The following KPNA5 variants were observed in gnomAD, a reference collection of about 807,000 sequenced individuals.
KPNA5 encodes the protein karyopherin subunit alpha 5, also known as importin subunit alpha-6.
A neutral mutation model predicts 71.3 loss-of-function variants in KPNA5; 46 were observed. That is an observed-to-expected ratio of 0.65 (90% CI 0.51 to 0.83). The LOEUF is 0.83. Among genes scored for constraint, KPNA5 ranks in the 40% least tolerant of loss-of-function variants. KPNA5 has a pLI of 0.00. For missense variants in KPNA5, 547 were observed against 628.3 expected (o/e 0.87, Z 1.38); for synonymous variants, 207 against 201.4 (o/e 1.03, Z -0.24).
chr6:116,695,234 G>A (rs1370757928), intron 4 of KPNA5, among the ~76,000 whole-genome samples: 1 of 151,872 alleles, frequency 6.6e-6, no homozygotes, highest in Non-Finnish European at 1.5e-5. Flanking sequence ...TGGCCTCGCA[G>A]TTATCTTTAA....
chr6:116,694,137 T>TA (rs1777924126), intron 4 of KPNA5, among the ~76,000 whole-genome samples: 1 of 152,354 alleles, frequency 6.6e-6, no homozygotes, highest in African/African-American at 2.4e-5. Flanking sequence ...TTAGTTACTG[T>TA]AACCTTGTGT....
At chr6:116,726,017 T>C (rs1159974894) in intron 11 of KPNA5, 141 bp downstream of exon 11, 1 of 874,522 alleles carries the variant, frequency 1.1e-6, no homozygotes, top group African/African-American at 1.7e-5. Context: ...TTTCCTCCTC[T>C]AAAATAATAA....
chr6:116,692,722 T>A (rs1318583101), intron 4 of KPNA5, among the ~76,000 whole-genome samples: 1 of 152,168 alleles, frequency 6.6e-6, no homozygotes, highest in Admixed American at 6.5e-5. Context: ...TATTTTTATT[T>A]GTATTTATTT....
chr6:116,699,769 T>C (rs929765944), intron 5 of KPNA5, among the ~76,000 whole-genome samples: 5 of 152,204 alleles, frequency 3.3e-5, no homozygotes, highest in African/African-American at 1.2e-4. Context: ...CCAGACCTCT[T>C]GATACCTATT....
rs755071506 is a variant in KPNA5 at position 116,705,451 on chromosome 6, A to G, written c.656+291A>G. 3.5e-4 allele frequency among the ~76,000 whole-genome samples: 54 copies of G among 152,338 alleles called. 1 individual carries two copies. The highest frequency in any genetic ancestry group is 3.4e-3 in the Middle Eastern group (1 of 294). On this transcript the variant is annotated intron_variant, in intron 7 of 13. Transcript: ENST00000368564. ...AGTAGTTTATAATACAATAAAATTT[A>G]CATATTGCTATAGTAGGGAATCCTT...
chr6:116,738,539 C>T lies in KPNA5; in HGVS notation c.*6216C>T, dbSNP rs937105693. 2.6e-5 allele frequency: 4 copies of T among 152,064 alleles called. No homozygotes were observed. Among genetic ancestry groups the T allele is most frequent in the Non-Finnish European group, 4.4e-5 (3 of 68,008 alleles). The allele number at this position is 152,064 out of a possible 1,614,324, so 9.4% of individuals were successfully genotyped here. A position where few individuals can be genotyped will look rare whatever the true frequency, so the allele number is the denominator to read the frequency against. On this transcript the variant is annotated 3_prime_UTR_variant, in exon 14 of 14. Transcript: ENST00000368564. ...TCCTGATACCAAAGCTGGGCAGAGA[C>T]ACAACCAAAAAAGAGAATTTTAGAC...
chr6:116,687,214 G>C (rs916237754), intron 1 of KPNA5, among the ~76,000 whole-genome samples: 1 of 152,076 alleles, frequency 6.6e-6, no homozygotes, highest in Non-Finnish European at 1.5e-5. Flanking sequence ...TTTTAGCAGC[G>C]TTTTGTAATT....
Position 116,738,689 on chromosome 6 carries a change from G to T in KPNA5, c.*6366G>T, listed in dbSNP as rs1378216672. 3 of 151,848 alleles carry T rather than the reference G, an allele frequency of 2.0e-5. No homozygotes were observed. The highest frequency in any genetic ancestry group is 7.3e-5 in the African/African-American group (3 of 41,352). The allele number at this position is 151,848 out of a possible 1,614,324, so 9.4% of individuals were successfully genotyped here. A position where few individuals can be genotyped will look rare whatever the true frequency, so the allele number is the denominator to read the frequency against. Reference sequence around the variant, plus strand: ...GCTTCATCCCTGGGATGCAAGGCTGGTTCAATATACGCAAATCAATAAATG... The same window carrying T: ...GCTTCATCCCTGGGATGCAAGGCTGTTTCAATATACGCAAATCAATAAATG... On this transcript the variant is annotated 3_prime_UTR_variant, in exon 14 of 14. Transcript: ENST00000368564.
intron 8 of KPNA5, among the ~76,000 whole-genome samples, chr6:116,716,566 A>C (rs1200562027): frequency 2.0e-5 from 3 of 152,220 alleles, no homozygotes; most frequent in Non-Finnish European, 4.4e-5. Flanking sequence ...CAAGGAATTG[A>C]TTTCAGAAAT....
chr6:116,726,197 G>A (rs1274922159), intron 11 of KPNA5, among the ~76,000 whole-genome samples: 1 of 151,882 alleles, frequency 6.6e-6, no homozygotes, highest in East Asian at 1.9e-4. Context: ...ATTTATTAGG[G>A]TTCTATCAAG....
At chr6:116,684,761 G>T (rs1041276981) in intron 1 of KPNA5, among the ~76,000 whole-genome samples, 2 of 152,142 alleles carry the variant, frequency 1.3e-5, no homozygotes, top group African/African-American at 4.8e-5. Context: ...ACCATCTACA[G>T]ATCAAAGCCT....
intron 7 of KPNA5, among the ~76,000 whole-genome samples, chr6:116,710,166 T>C (rs936282345): frequency 2.3e-4 from 35 of 152,162 alleles, no homozygotes; most frequent in African/African-American, 2.4e-5. Flanking sequence ...GGTTTATTAT[T>C]TTGATTGATA....
rs532717702 is a variant in KPNA5 at position 116,718,891 on chromosome 6, C to G, written c.756+2573C>G. 2.0e-5 allele frequency among the ~76,000 whole-genome samples: 3 copies of G among 152,102 alleles called. No individual in the cohort carries two copies. In the East Asian group the frequency reaches 5.8e-4, roughly 29 times the overall value. Reference sequence around the variant, plus strand: ...CAAGCAATTCTCCTGCCTCAGCCCCCCAAGTAGCTGGGATTACAGACACCT... The same window carrying G: ...CAAGCAATTCTCCTGCCTCAGCCCCGCAAGTAGCTGGGATTACAGACACCT... On this transcript the variant is annotated intron_variant, in intron 8 of 13. Coordinates refer to ENST00000368564, the MANE Select transcript of KPNA5 (RefSeq NM_001366306.2).
intron 4 of KPNA5, among the ~76,000 whole-genome samples, chr6:116,693,271 A>G (rs1777880920): frequency 6.6e-6 from 1 of 152,200 alleles, no homozygotes; most frequent in Non-Finnish European, 1.5e-5. Context: ...TGGCTGGGTC[A>G]AATGGTATTT....
At position 116,689,451 on chromosome 6, in the gene KPNA5, C is replaced by A; in HGVS notation, c.136C>A (p.Gln46Lys). 1.3e-6 allele frequency: 2 copies of A among 1,561,198 alleles called. No individual in the cohort carries two copies. Among genetic ancestry groups the A allele is most frequent in the South Asian group, 1.2e-5 (1 of 80,380 alleles). Reference protein sequence around the residue: ...IQLRKQKREEQLFKRRNVYLP... With the variant: ...IQLRKQKREEKLFKRRNVYLP... ...GCTTAGAAAACAAAAAAGAGAAGAA[C>A]AGGTAGGTGTTTTTAGCTATTTAAT... The change falls in exon 2 of 14, where the codon CAG becomes AAG. Residue 46 changes from glutamine (Q) to lysine (K), a missense_variant and splice_region_variant. Transcript: ENST00000368564.
At chr6:116,710,409 G>A (rs944722882) in intron 7 of KPNA5, among the ~76,000 whole-genome samples, 3 of 151,836 alleles carry the variant, frequency 2.0e-5, no homozygotes, top group East Asian at 1.9e-4. Flanking sequence ...AAAATTTTGC[G>A]GCTACATAGT....
intron 10 of KPNA5, 126 bp downstream of exon 10, chr6:116,724,501 CTG>C: frequency 3.3e-6 from 2 of 606,806 alleles, no homozygotes; most frequent in South Asian, 4.8e-5. Flanking sequence ...GTGTCTGTAT[CTG>C]TGTCTTGGAG....
intron 10 of KPNA5, 72 bp downstream of exon 10, chr6:116,724,447 G>C (rs1779223015): frequency 7.2e-6 from 7 of 965,972 alleles, no homozygotes; most frequent in Non-Finnish European, 1.2e-5. Flanking sequence ...CATACAACTT[G>C]ATTACATATT....
At chr6:116,699,203 T>C (rs1233504355) in intron 5 of KPNA5, among the ~76,000 whole-genome samples, 1 of 152,074 alleles carries the variant, frequency 6.6e-6, no homozygotes, top group Non-Finnish European at 1.5e-5. Context: ...ACAGAATAAA[T>C]TATTATTTAG....
Sources: gnomAD v4.1 joint callset for allele counts (sites outside exome capture counted in the v4.1 genomes callset) on GRCh38, gnomAD v4.1.1 for gene constraint, MANE v1.5 for transcripts, NCBI Gene and HGNC (gene_info 2026-07-23, HGNC 2026-07-21) for gene names.